Variants in DOT1L observed in about 807,000 individuals in gnomAD.
The protein encoded by DOT1L is DOT1 like histone lysine methyltransferase.
DOT1L carries 33 observed loss-of-function variants against 153.3 expected under a neutral mutation model. The ratio of observed to expected loss-of-function variants is 0.22; its 90% CI spans 0.16 to 0.29. DOT1L has a LOEUF of 0.29. DOT1L is among the 10% of genes least tolerant of loss of function. The pLI, the probability that DOT1L is intolerant of heterozygous loss-of-function variation, is 1.00. For synonymous variants in DOT1L, 1,135 were observed against 965.1 expected (o/e 1.18, Z -3.26); for missense variants, 1,847 against 2,119.9 (o/e 0.87, Z 2.53).
intron 1 of DOT1L, among the ~76,000 whole-genome samples, chr19:2,173,699 C>T (rs1475931033): frequency 6.6e-6 from 1 of 152,216 alleles, no homozygotes; most frequent in Non-Finnish European, 1.5e-5. Context: ...AAGACCTCCC[C>T]CAGACCCATA....
intron 22 of DOT1L, 93 bp downstream of exon 22, chr19:2,218,011 G>T (rs980364961): frequency 1.0e-5 from 15 of 1,506,668 alleles, no homozygotes; most frequent in African/African-American, 1.4e-5. Context: ...GAAGTCTCAC[G>T]CTGTAAAATG....
At position 2,231,588 on chromosome 19, in the gene DOT1L, C is replaced by T. The variant is rs2024600016; in HGVS notation, c.*1796C>T. 4.8e-6 allele frequency: 1 copy of T among 206,364 alleles called. No individual in the cohort carries two copies. Among genetic ancestry groups the T allele is most frequent in the African/African-American group, 2.3e-5 (1 of 43,698 alleles). 12.8% of individuals were successfully genotyped at this position (206,364 alleles called of 1,614,324 possible). ...TGTCCTCTTAAGTGGTGCCCAGTGC[C>T]CTCCCCACCCCACGTTGGTGCTCTC... is the stretch of plus-strand genomic sequence containing the variant. On this transcript the variant is annotated 3_prime_UTR_variant, in exon 28 of 28. Transcript: ENST00000398665.
rs1409706107 is a variant in DOT1L, at chr19:2,232,420, A to C, written c.*2628A>C. 1 of 215,780 alleles carries C rather than the reference A, an allele frequency of 4.6e-6. No individual in the cohort carries two copies. Among genetic ancestry groups the C allele is most frequent in the African/African-American group, 2.3e-5 (1 of 44,002 alleles). 13.4% of individuals were successfully genotyped at this position (215,780 alleles called of 1,614,324 possible). A position where few individuals can be genotyped will look rare whatever the true frequency, so the allele number is the denominator to read the frequency against. On this transcript the variant is annotated 3_prime_UTR_variant, in exon 28 of 28. Coordinates refer to ENST00000398665, the MANE Select transcript of DOT1L (RefSeq NM_032482.3). ...CTGCTGGTCTGTGTCAGCCTTTGTAACGTGGGAGGCTCTGCCGTGTCTTCC... is the reference window on the plus strand; with the variant it reads ...CTGCTGGTCTGTGTCAGCCTTTGTACCGTGGGAGGCTCTGCCGTGTCTTCC...
At chr19:2,180,186 G>A (rs2022161511) in intron 1 of DOT1L, among the ~76,000 whole-genome samples, 1 of 152,172 alleles carries the variant, frequency 6.6e-6, no homozygotes, top group Non-Finnish European at 1.5e-5. Context: ...TGGTACAGTT[G>A]GGGAAACAGG....
rs75288651 is a variant in DOT1L at position 2,188,522 on chromosome 19, G to A, written c.201-1210G>A. Among the ~76,000 whole-genome samples, 433 of 123,430 alleles carry A rather than the reference G, an allele frequency of 3.5e-3. 3 individuals are homozygous for A. The highest frequency in any genetic ancestry group is 9.4e-3 in the South Asian group (31 of 3,312). 81.0% of individuals were successfully genotyped at this position (123,430 alleles called of 152,430 possible). ...CCGCACAGGTGCAGGCCCCCTCGGC[G>A]CTGGGGATGTGGAAGTCGGATTGTT... is the stretch of plus-strand genomic sequence containing the variant. On this transcript the variant is annotated intron_variant, in intron 3 of 27. Coordinates refer to ENST00000398665, the MANE Select transcript of DOT1L (RefSeq NM_032482.3).
At chr19:2,187,647 G>A (rs1219411146) in intron 3 of DOT1L, among the ~76,000 whole-genome samples, 1 of 152,164 alleles carries the variant, frequency 6.6e-6, no homozygotes, top group African/African-American at 2.4e-5. Context: ...CAGGGGCTGG[G>A]CACCGTGGCT....
chr19:2,210,555 C>T, intron 13 of DOT1L, 45 bp downstream of exon 13: 1 of 1,590,458 alleles, frequency 6.3e-7, no homozygotes, highest in Non-Finnish European at 8.6e-7. Flanking sequence ...CACCCGCCCC[C>T]TGCCCGGGAG....
rs942790805 is a variant in DOT1L at position 2,207,089 on chromosome 19, A to T, written c.856+292A>T. ...CCGGCTTCGAGGGGAGGCGTGAAGG[A>T]TTTACAGGACTTTTGTGGACAGAGA... is the stretch of plus-strand genomic sequence containing the variant. On this transcript the variant is annotated intron_variant, in intron 10 of 27. Coordinates refer to ENST00000398665, the MANE Select transcript of DOT1L (RefSeq NM_032482.3). This position sits in a 1 kb window ranked among gnomAD's most constrained non-coding sequence, Gnocchi z 4.5. Among the ~76,000 whole-genome samples, 1 of 152,174 alleles carries T rather than the reference A, an allele frequency of 6.6e-6. No individual in the cohort carries two copies. The highest frequency in any genetic ancestry group is 6.5e-5 in the Admixed American group (1 of 15,288).
intron 2 of DOT1L, among the ~76,000 whole-genome samples, chr19:2,182,592 G>C (rs1199335345): frequency 6.6e-6 from 1 of 152,064 alleles, no homozygotes; most frequent in Non-Finnish European, 1.5e-5. Flanking sequence ...GACTGTGCAG[G>C]TTCTGCCAGT....
intron 1 of DOT1L, among the ~76,000 whole-genome samples, chr19:2,166,199 C>T (rs1218181371): frequency 1.3e-5 from 2 of 151,924 alleles, no homozygotes; most frequent in South Asian, 2.1e-4. Flanking sequence ...CGGGTTCAAG[C>T]GATTCTCCTG....
rs778747333 is a variant in DOT1L at position 2,222,192 on chromosome 19, C to A, written c.3023C>A (p.Ser1008Tyr). 6.2e-7 allele frequency: 1 copy of A among 1,613,104 alleles called. No individual in the cohort carries two copies. Among genetic ancestry groups the A allele is most frequent in the Non-Finnish European group, 8.5e-7 (1 of 1,179,844 alleles). ...LPASPAHQLS[S>Y]SPRLGGAAQG... is the part of the protein sequence containing the mutation. The stretch of plus-strand genomic sequence containing the variant: ...GCCTCTCCCGCCCACCAGCTCTCCT[C>A]CAGTCCCCGGCTTGGTGGGGCCGCC... Residue 1008 changes from serine to tyrosine, a missense_variant, in exon 24 of 28, where the codon TCC (serine) becomes TAC (tyrosine). By Grantham distance (144) the Ser-to-Tyr change is moderately radical (BLOSUM62 -2). Transcript: ENST00000398665. This position sits in a 1 kb window ranked among gnomAD's most constrained non-coding sequence, Gnocchi z 6.5.
intron 14 of DOT1L, 106 bp downstream of exon 14, chr19:2,210,961 C>T: frequency 6.8e-7 from 1 of 1,480,094 alleles, no homozygotes; most frequent in Non-Finnish European, 9.3e-7. Context: ...CAGGGTGTCC[C>T]TGGAGCCTCC....
At position 2,230,334 on chromosome 19, in the gene DOT1L, T is replaced by C; in HGVS notation, c.*542T>C. On this transcript the variant is annotated 3_prime_UTR_variant, in exon 28 of 28. Coordinates refer to ENST00000398665, the MANE Select transcript of DOT1L (RefSeq NM_032482.3). ...ATTCCTCGGAGGCCTCCCCGCGGCC[T>C]GAGCCCCTTCCTGAGCGCCCTGGCG... 1 of 415,190 alleles carries C rather than the reference T, an allele frequency of 2.4e-6. No individual in the cohort carries two copies. Among genetic ancestry groups the C allele is most frequent in the Non-Finnish European group, 4.2e-6 (1 of 236,666 alleles). The allele number at this position is 415,190 out of a possible 1,614,324, so 25.7% of individuals were successfully genotyped here. A position where few individuals can be genotyped will look rare whatever the true frequency, so the allele number is the denominator to read the frequency against.
At chr19:2,167,981 C>T (rs1429887118) in intron 1 of DOT1L, among the ~76,000 whole-genome samples, 1 of 152,130 alleles carries the variant, frequency 6.6e-6, no homozygotes, top group Non-Finnish European at 1.5e-5. Context: ...GTGATCCGTC[C>T]ACCTCGGCCT....
Position 2,164,122 on chromosome 19 carries a change from C to T in DOT1L, c.-63C>T. The T allele has an allele frequency of 1.3e-6, 1 of 760,212 alleles. No individual in the cohort carries two copies. The highest frequency in any genetic ancestry group is 1.7e-6 in the Non-Finnish European group (1 of 604,532). The allele number at this position is 760,212 out of a possible 1,614,324, so 47.1% of individuals were successfully genotyped here. On this transcript the variant is annotated 5_prime_UTR_variant, in exon 1 of 28. Coordinates refer to ENST00000398665, the MANE Select transcript of DOT1L (RefSeq NM_032482.3). Reference sequence around the variant, plus strand: ...CCTCCCGCCCGCCCTCCTCCGCCCACCGGCGGCCCCGCCCCTCCCCCAACC... The same window carrying T: ...CCTCCCGCCCGCCCTCCTCCGCCCATCGGCGGCCCCGCCCCTCCCCCAACC...
rs2022762979 is a variant in DOT1L at position 2,190,876 on chromosome 19, G to A, written c.265-136G>A. 6.3e-6 allele frequency: 5 copies of A among 795,972 alleles called. No homozygotes were observed. Among genetic ancestry groups the A allele is most frequent in the African/African-American group, 3.5e-5 (2 of 57,346 alleles). 49.3% of individuals were successfully genotyped at this position (795,972 alleles called of 1,614,324 possible). On this transcript the variant is annotated intron_variant, in intron 4 of 27. Coordinates refer to ENST00000398665, the MANE Select transcript of DOT1L (RefSeq NM_032482.3). The surrounding 1 kb of genome is among the most constrained non-coding windows in gnomAD (Gnocchi z 4.8). ...GGGTTGGAAACTGACCTGGGAGCCCGGCAGCCACCCTGCAGGGGGACGAGA... is the reference window on the plus strand; with the variant it reads ...GGGTTGGAAACTGACCTGGGAGCCCAGCAGCCACCCTGCAGGGGGACGAGA...
In DOT1L at chr19:2,204,606, C is replaced by T. The variant is rs568760032; in HGVS notation, c.787+1827C>T. Among the ~76,000 whole-genome samples the T allele has an allele frequency of 2.6e-5, 4 of 152,330 alleles. No homozygotes were observed. Among genetic ancestry groups the T allele is most frequent in the East Asian group, 3.9e-4 (2 of 5,188 alleles). On this transcript the variant is annotated intron_variant, in intron 9 of 27. Coordinates refer to ENST00000398665, the MANE Select transcript of DOT1L (RefSeq NM_032482.3). This position sits in a 1 kb window ranked among gnomAD's most constrained non-coding sequence, Gnocchi z 5.7. ...CGCCAGCTTTCTCTGCACGATCAGA[C>T]GTGGTGGCTGAGTCAGGGTACTGCA... is the stretch of plus-strand genomic sequence containing the variant.
chr19:2,226,077 CCCTG>C lies in DOT1L; in HGVS notation c.3662-100_3662-97del. The C allele has an allele frequency of 2.3e-6, 3 of 1,278,654 alleles. No homozygotes were observed. In the East Asian group the frequency reaches 7.8e-5, roughly 33 times the overall value. 79.2% of individuals were successfully genotyped at this position (1,278,654 alleles called of 1,614,324 possible). On this transcript the variant is annotated intron_variant, in intron 26 of 27. Coordinates refer to ENST00000398665, the MANE Select transcript of DOT1L (RefSeq NM_032482.3). Reference sequence around the variant, plus strand: ...TGGCATCTTGAGTGTCTGTGACCAGCCCTGCCTGCAGAGTTGCCCGGGCCGTGGC... The same window carrying C: ...TGGCATCTTGAGTGTCTGTGACCAGCCCTGCAGAGTTGCCCGGGCCGTGGC...
chr19:2,214,330 C>T (rs2023824246), intron 18 of DOT1L, 141 bp from the exon 19 acceptor site: 1 of 1,380,762 alleles, frequency 7.2e-7, no homozygotes. Context: ...CATCCTCAGC[C>T]TGCTATTCCA....
Sources: allele counts gnomAD v4.1 joint callset (sites outside exome capture counted in the v4.1 genomes callset), GRCh38; gene constraint gnomAD v4.1.1; non-coding constraint Gnocchi (gnomAD v3.1); transcripts MANE v1.5; gene names NCBI Gene and HGNC (gene_info 2026-07-23, HGNC 2026-07-21).